Variants in YAP1 observed in about 807,000 individuals in gnomAD.
The protein encoded by YAP1 is Yes1 associated transcriptional regulator.
Under a neutral mutation model 56.9 loss-of-function variants are expected in YAP1, and 5 were observed. That is an observed-to-expected ratio of 0.09 (90% confidence interval 0.05 to 0.18). The LOEUF (loss-of-function observed/expected upper bound fraction) is 0.18, where lower values mean the gene tolerates loss of function less well. Among genes scored for constraint, YAP1 ranks in the 10% least tolerant of loss-of-function variants. YAP1 has a pLI of 1.00. For missense variants in YAP1, 539 were observed against 651.8 expected (o/e 0.83, Z 1.88); for synonymous variants, 265 against 248.1 (o/e 1.07, Z -0.64).
intron 2 of YAP1, among the ~76,000 whole-genome samples, chr11:102,120,628 T>A (rs879591429): frequency 2.0e-5 from 3 of 152,230 alleles, no homozygotes; most frequent in Non-Finnish European, 4.4e-5. Flanking sequence ...GGACATTTTA[T>A]TAAAAGCTCC....
At chr11:102,205,805 T>C in intron 4 of YAP1, 88 bp from the exon 5 acceptor site, 1 of 1,327,016 alleles carries the variant, frequency 7.5e-7, no homozygotes, top group Non-Finnish European at 9.9e-7. Flanking sequence ...ACATCGAATA[T>C]CCCAAATTGC....
In YAP1 at chr11:102,116,552, A is replaced by G. The variant is rs564735107; in HGVS notation, c.572+2158A>G. ...ATACCTTCCAACCCCAGTCACCTCA[A>G]TTCACCCCTGTCAACTATGGGCCTG... On this transcript the variant is annotated intron_variant, in intron 2 of 8. Transcript: ENST00000282441. Among the ~76,000 whole-genome samples, 11 of 152,338 alleles carry G rather than the reference A, an allele frequency of 7.2e-5. No individual in the cohort carries two copies. In the East Asian group the frequency reaches 9.6e-4, roughly 13 times the overall value.
At chr11:102,151,593 G>T (rs1945660716) in intron 2 of YAP1, among the ~76,000 whole-genome samples, 1 of 151,988 alleles carries the variant, frequency 6.6e-6, no homozygotes, top group South Asian at 2.1e-4. Context: ...TATCTTTATG[G>T]ATCTTTCCCA....
intron 2 of YAP1, among the ~76,000 whole-genome samples, chr11:102,154,226 C>A (rs1945821855): frequency 6.6e-6 from 1 of 152,162 alleles, no homozygotes; most frequent in South Asian, 2.1e-4. Context: ...TCCTAGTTTT[C>A]AGCCTGAACA....
intron 3 of YAP1, among the ~76,000 whole-genome samples, chr11:102,179,614 G>A (rs1947465209): frequency 6.6e-6 from 1 of 152,054 alleles, no homozygotes; most frequent in South Asian, 2.1e-4. Context: ...GAGCTTACAG[G>A]TCACTTCCTG....
intron 5 of YAP1, among the ~76,000 whole-genome samples, chr11:102,207,160 A>G (rs1210531246): frequency 6.6e-6 from 1 of 152,162 alleles, no homozygotes; most frequent in Non-Finnish European, 1.5e-5. Flanking sequence ...TTTTGAATAG[A>G]TAATAGAAAA....
chr11:102,221,308 G>T (rs116970745), intron 6 of YAP1, among the ~76,000 whole-genome samples: 444 of 152,282 alleles, frequency 2.9e-3, no homozygotes, highest in Non-Finnish European at 5.4e-3. Context: ...TCCCTCTCAG[G>T]ACATTGGTGT....
chr11:102,159,317 AC>A (rs1161885253), intron 2 of YAP1, among the ~76,000 whole-genome samples: 2 of 152,198 alleles, frequency 1.3e-5, no homozygotes, highest in Non-Finnish European at 1.5e-5. Context: ...GTCTCCGTTC[AC>A]ATGTCCAGGC....
intron 7 of YAP1, among the ~76,000 whole-genome samples, chr11:102,225,149 TAAC>T (rs1292605248): frequency 1.5e-4 from 23 of 151,104 alleles, no homozygotes; most frequent in African/African-American, 5.6e-4. Context: ...TTTCTAATAA[TAAC>T]ATACATCTGA....
At chr11:102,150,823 GAC>G (rs1447543464) in intron 2 of YAP1, among the ~76,000 whole-genome samples, 2 of 28,240 alleles carry the variant, frequency 7.1e-5, no homozygotes, top group Non-Finnish European at 2.4e-4. Context: ...TTTTTTTGGA[GAC>G]AGTCTTGCTC....
At chr11:102,165,575 T>G (rs1188140905) in intron 3 of YAP1, among the ~76,000 whole-genome samples, 2 of 152,002 alleles carry the variant, frequency 1.3e-5, no homozygotes, top group African/African-American at 4.8e-5. Context: ...AGGAGAGAGT[T>G]GGAAGAAGGA....
intron 2 of YAP1, among the ~76,000 whole-genome samples, chr11:102,146,656 TC>T (rs1217845750): frequency 6.6e-6 from 1 of 152,212 alleles, no homozygotes; most frequent in Non-Finnish European, 1.5e-5. Flanking sequence ...CTATAGCATT[TC>T]CTCAACTCTA....
chr11:102,118,375 A>G (rs1035910924), intron 2 of YAP1, among the ~76,000 whole-genome samples: 5 of 151,976 alleles, frequency 3.3e-5, no homozygotes, highest in African/African-American at 9.7e-5. Context: ...TTGACATTGC[A>G]TGGCATAAAA....
At position 102,230,179 on chromosome 11, in the gene YAP1, T is replaced by G. The variant is rs1056569882; in HGVS notation, c.*239T>G. 5.0e-6 allele frequency: 2 copies of G among 397,980 alleles called. No homozygotes were observed. Among genetic ancestry groups the G allele is most frequent in the Non-Finnish European group, 9.0e-6 (2 of 222,062 alleles). 24.7% of individuals were successfully genotyped at this position (397,980 alleles called of 1,614,324 possible). Reference sequence around the variant, plus strand: ...AAAGAAAAAAACTTTTTATTTCTTTTGCTATTAAAACTACTGTTCATTTTG... The same window carrying G: ...AAAGAAAAAAACTTTTTATTTCTTTGGCTATTAAAACTACTGTTCATTTTG... On this transcript the variant is annotated 3_prime_UTR_variant, in exon 9 of 9. Coordinates refer to ENST00000282441, the MANE Select transcript of YAP1 (RefSeq NM_001130145.3).
At chr11:102,168,205 T>C (rs1409713279) in intron 3 of YAP1, among the ~76,000 whole-genome samples, 1 of 152,204 alleles carries the variant, frequency 6.6e-6, no homozygotes, top group Non-Finnish European at 1.5e-5. Context: ...AAAGTGATAC[T>C]TCCTTAGCTC....
intron 2 of YAP1, among the ~76,000 whole-genome samples, chr11:102,123,840 C>G (rs1006833612): frequency 6.6e-6 from 1 of 151,782 alleles, no homozygotes; most frequent in African/African-American, 2.4e-5. Context: ...GGAGTTTCAC[C>G]GTGGTCTCGA....
At chr11:102,190,690 C>T (rs1348000130) in intron 4 of YAP1, among the ~76,000 whole-genome samples, 1 of 152,118 alleles carries the variant, frequency 6.6e-6, no homozygotes, top group Non-Finnish European at 1.5e-5. Flanking sequence ...GTAATCCCAG[C>T]ACTTTGGGAG....
rs1234651188 is a variant in YAP1, at chr11:102,113,231, G to T, written c.322-913G>T. 2.6e-5 allele frequency among the ~76,000 whole-genome samples: 4 copies of T among 152,192 alleles called. No homozygotes were observed. In the East Asian group the frequency reaches 7.7e-4, roughly 29 times the overall value. ...TAAAAATATTTTAAAAACTATGCAA[G>T]ATTATGAATAGTACAAATCTAGGTT... On this transcript the variant is annotated intron_variant, in intron 1 of 8. Coordinates refer to ENST00000282441, the MANE Select transcript of YAP1 (RefSeq NM_001130145.3).
intron 2 of YAP1, among the ~76,000 whole-genome samples, chr11:102,152,669 A>G (rs983173955): frequency 5.9e-5 from 9 of 152,210 alleles, no homozygotes; most frequent in African/African-American, 1.9e-4. Context: ...TTAATCACCA[A>G]ATGAAGCCAT....
Sources: allele counts gnomAD v4.1 joint callset (sites outside exome capture counted in the v4.1 genomes callset), GRCh38; gene constraint gnomAD v4.1.1; transcripts MANE v1.5; gene names NCBI Gene and HGNC (gene_info 2026-07-23, HGNC 2026-07-21).